Variants in MRTFB observed in about 807,000 individuals in gnomAD.
MRTFB encodes the protein myocardin-related transcription factor B.
In MRTFB, 29 loss-of-function variants were observed where a neutral mutation model predicts 104.2. That is an observed-to-expected ratio of 0.28 (90% CI 0.21 to 0.38). The LOEUF (loss-of-function observed/expected upper bound fraction) is 0.38, where lower values mean the gene tolerates loss of function less well. MRTFB is among the 10% of genes least tolerant of loss of function. The pLI is 1.00. For synonymous variants in MRTFB, 535 were observed against 519.5 expected, an observed-to-expected ratio of 1.03 and a Z score of -0.41; for missense variants, 1,270 against 1,341.6, an observed-to-expected ratio of 0.95 and a Z score of 0.83.
At position 14,266,177 on chromosome 16, in the gene MRTFB, A is replaced by G. The variant is rs1327180288; in HGVS notation, c.*4733A>G. ...TCTCAAAAATCAGCCCCAAAAAGGT[A>G]TTATCCATTTAAGGTTATAATTTTC... On this transcript the variant is annotated 3_prime_UTR_variant, in exon 17 of 17. Coordinates refer to ENST00000571589, the MANE Select transcript of MRTFB (RefSeq NM_001308142.2). 2 of 152,198 alleles carry G rather than the reference A, an allele frequency of 1.3e-5. No homozygotes were observed. Among genetic ancestry groups the G allele is most frequent in the Admixed American group, 1.3e-4 (2 of 15,284 alleles). The allele number at this position is 152,198 out of a possible 1,614,324, so 9.4% of individuals were successfully genotyped here.
At chr16:14,204,681 A>G (rs953833011) in intron 3 of MRTFB, among the ~76,000 whole-genome samples, 1 of 152,224 alleles carries the variant, frequency 6.6e-6, no homozygotes, top group African/African-American at 2.4e-5. Flanking sequence ...AAAACTGTAA[A>G]TGTTAGCCCT....
At chr16:14,035,808 A>AT in the MRTFB span, among the ~76,000 whole-genome samples, 1 of 151,802 alleles carries the variant, frequency 6.6e-6, no homozygotes, top group Non-Finnish European at 1.5e-5. Flanking sequence ...GATTTGTGAG[A>AT]TTTTGGTGCA....
chr16:14,071,835 C>G (rs1459441486), intron 1 of MRTFB, among the ~76,000 whole-genome samples: 1 of 152,158 alleles, frequency 6.6e-6, no homozygotes, highest in Non-Finnish European at 1.5e-5. Context: ...TCCCCTCAGC[C>G]CTTTTCTCCT....
At chr16:13,999,136 G>A in the MRTFB span, among the ~76,000 whole-genome samples, 1 of 150,644 alleles carries the variant, frequency 6.6e-6, no homozygotes, top group African/African-American at 2.4e-5. Flanking sequence ...GTTGCAGTGA[G>A]CTGAGATCTC....
chr16:14,247,474 A>G lies in MRTFB; in HGVS notation c.2214A>G (p.Ser738=), dbSNP rs2043071632. Residue 738 remains serine (S), a synonymous_variant, in exon 12 of 17, where the codon TCA becomes TCG. Transcript: ENST00000571589. ...PVSIQGSSVT[S]VQLPVGSLKL... is the part of the protein sequence containing the mutation. ...CCATCCAGGGCTCGAGTGTCACCTC[A>G]GTGCAACTCCCTGTAGGCAGCCTCA... 4.4e-6 allele frequency: 7 copies of G among 1,580,332 alleles called. No homozygotes were observed. The highest frequency in any genetic ancestry group is 6.0e-6 in the Non-Finnish European group (7 of 1,168,130).
Position 14,087,121 on chromosome 16 carries a change from A to G in MRTFB, c.-64+7767A>G, listed in dbSNP as rs1216071463. ...GAAGTACTTGTATGCAGTACAGAGA[A>G]TAGATCCCTAGCAAAGCCAACACTC... On this transcript the variant is annotated intron_variant, in intron 2 of 16. Transcript: ENST00000571589. 2.6e-5 allele frequency among the ~76,000 whole-genome samples: 4 copies of G among 152,212 alleles called. No individual in the cohort carries two copies. In the South Asian group the frequency reaches 8.3e-4, roughly 32 times the overall value.
chr16:14,246,447 G>A (rs1030151457), intron 11 of MRTFB, 26 bp from the exon 12 acceptor site: 19 of 1,607,552 alleles, frequency 1.2e-5, no homozygotes, highest in Non-Finnish European at 1.6e-5. Context: ...CTAATACTAA[G>A]ATATCTGCTT....
At chr16:14,249,677 A>G (rs1240793029) in intron 13 of MRTFB, among the ~76,000 whole-genome samples, 1 of 152,248 alleles carries the variant, frequency 6.6e-6, no homozygotes. Flanking sequence ...CTCTACACAA[A>G]TAACTACCAA....
Position 14,075,188 on chromosome 16 carries a change from G to A in MRTFB, c.-129+3823G>A, listed in dbSNP as rs577914412. Among the ~76,000 whole-genome samples the A allele has an allele frequency of 4.6e-5, 7 of 152,312 alleles. No homozygotes were observed. In the South Asian group the frequency reaches 6.2e-4, roughly 14 times the overall value. On this transcript the variant is annotated intron_variant, in intron 1 of 16. Transcript: ENST00000571589. ...ACAGTTTATATGGGAAGCTAGTTCC[G>A]TGGTATACCTTAGCTGGAGACCTGT...
chr16:14,137,117 T>C (rs1230589445), intron 2 of MRTFB, among the ~76,000 whole-genome samples: 2 of 152,086 alleles, frequency 1.3e-5, no homozygotes, highest in South Asian at 2.1e-4. Flanking sequence ...ATACAGAGAG[T>C]AGTCAATTCT....
intron 3 of MRTFB, among the ~76,000 whole-genome samples, chr16:14,205,210 C>G (rs1196934214): frequency 6.6e-6 from 1 of 152,006 alleles, no homozygotes; most frequent in Non-Finnish European, 1.5e-5. Flanking sequence ...CTACTGTTTT[C>G]TATTTCCATA....
chr16:13,998,367 G>T, the MRTFB span, among the ~76,000 whole-genome samples: 1 of 152,110 alleles, frequency 6.6e-6, no homozygotes, highest in Non-Finnish European at 1.5e-5. Context: ...GGAAAGAAAA[G>T]AAATTGGCCA....
chr16:14,008,872 G>A, the MRTFB span, among the ~76,000 whole-genome samples: 4 of 151,226 alleles, frequency 2.6e-5, no homozygotes, highest in East Asian at 7.8e-4. Flanking sequence ...ATATAGTTTT[G>A]CAATGTAAAA....
At chr16:14,103,811 G>A (rs1031694237) in intron 2 of MRTFB, among the ~76,000 whole-genome samples, 1 of 152,212 alleles carries the variant, frequency 6.6e-6, no homozygotes, top group East Asian at 1.9e-4. Flanking sequence ...AGAAATTATT[G>A]AAATTGAAAG....
At chr16:14,060,211 T>G in the MRTFB span, among the ~76,000 whole-genome samples, 2 of 151,984 alleles carry the variant, frequency 1.3e-5, no homozygotes, top group Non-Finnish European at 2.9e-5. Flanking sequence ...TTCACCATGT[T>G]GGCCAGGCTG....
At chr16:14,126,998 G>C (rs1488797592) in intron 2 of MRTFB, among the ~76,000 whole-genome samples, 2 of 152,116 alleles carry the variant, frequency 1.3e-5, no homozygotes, top group Non-Finnish European at 2.9e-5. Context: ...CTGACATATA[G>C]TATCTCACTT....
the MRTFB span, among the ~76,000 whole-genome samples, chr16:13,995,547 G>A: frequency 3.3e-5 from 5 of 152,122 alleles, no homozygotes; most frequent in African/African-American, 9.7e-5. Context: ...CAGTATATTC[G>A]TATATTGAAG....
chr16:14,192,263 A>G (rs1386652986), intron 3 of MRTFB, among the ~76,000 whole-genome samples: 1 of 151,910 alleles, frequency 6.6e-6, no homozygotes, highest in East Asian at 1.9e-4. Context: ...AGGCTTACCT[A>G]CTTAGGAAGC....
Position 14,234,139 on chromosome 16 carries a change from C to G in MRTFB, c.694-7C>G, listed in dbSNP as rs1408735118. 6.2e-6 allele frequency: 10 copies of G among 1,605,268 alleles called. No individual in the cohort carries two copies. Among genetic ancestry groups the G allele is most frequent in the Non-Finnish European group, 7.6e-6 (9 of 1,176,828 alleles). ...ACAGACTTGTTCCTTTTTGCCTTTTCCACCAGTTTGCTTCAGTGTCCCCAA... is the reference window on the plus strand; with the variant it reads ...ACAGACTTGTTCCTTTTTGCCTTTTGCACCAGTTTGCTTCAGTGTCCCCAA... On this transcript the variant is annotated splice_region_variant and splice_polypyrimidine_tract_variant and intron_variant, in intron 8 of 16. Transcript: ENST00000571589.
Sources: allele counts gnomAD v4.1 joint callset (sites outside exome capture counted in the v4.1 genomes callset), GRCh38; gene constraint gnomAD v4.1.1; transcripts MANE v1.5; gene names NCBI Gene and HGNC (gene_info 2026-07-23, HGNC 2026-07-21).